WWP2: variants seen among roughly 807,000 people sequenced by gnomAD.
The protein encoded by WWP2 is NEDD4-like E3 ubiquitin-protein ligase WWP2.
WWP2 carries 57 observed loss-of-function variants against 121.0 expected under a neutral mutation model. The observed-to-expected ratio is 0.47, with a 90% CI of 0.38 to 0.59. The LOEUF is 0.59. Ranked by LOEUF, WWP2 falls within the 20% of genes least tolerant of loss-of-function variation. The pLI, the probability that WWP2 is intolerant of heterozygous loss-of-function variation, is 0.00. For missense variants in WWP2, 962 were observed against 1,158.9 expected (o/e 0.83, Z 2.47); for synonymous variants, 449 against 441.3 (o/e 1.02, Z -0.22).
intron 9 of WWP2, chr16:69,910,464 A>G: frequency 1.4e-6 from 1 of 699,578 alleles, no homozygotes; most frequent in Non-Finnish European, 1.8e-6. Context: ...GCTGGAGTGC[A>G]GTGGTGCAAT....
At chr16:69,765,880 C>G (rs894500167) in intron 1 of WWP2, among the ~76,000 whole-genome samples, 4 of 152,096 alleles carry the variant, frequency 2.6e-5, no homozygotes, top group Non-Finnish European at 5.9e-5. Context: ...CCAGGCTGGT[C>G]TTGAACACTT....
chr16:69,820,820 GCATATA>G (rs879590633), intron 4 of WWP2, among the ~76,000 whole-genome samples: 34 of 127,694 alleles, frequency 2.7e-4, no homozygotes, highest in Non-Finnish European at 4.4e-4. Context: ...ATGAATACAT[GCATATA>G]CACACACACA....
At chr16:69,933,474 C>T (rs764622024) in intron 16 of WWP2, among the ~76,000 whole-genome samples, 3 of 152,116 alleles carry the variant, frequency 2.0e-5, no homozygotes, top group Non-Finnish European at 4.4e-5. Context: ...TGTCATGGAT[C>T]GGGGTTGGAA....
chr16:69,821,809 C>T (rs150663613), intron 4 of WWP2, among the ~76,000 whole-genome samples: 1,853 of 149,978 alleles, frequency 0.012, 33 homozygotes, highest in African/African-American at 0.043. Flanking sequence ...CCTCCCATCT[C>T]GGCCTCCCAA....
intron 7 of WWP2, among the ~76,000 whole-genome samples, chr16:69,879,520 G>C (rs371111889): frequency 1.3e-5 from 2 of 152,092 alleles, no homozygotes; most frequent in Non-Finnish European, 2.9e-5. Flanking sequence ...TGGCATTTTT[G>C]ATTCATCCAT....
intron 10 of WWP2, among the ~76,000 whole-genome samples, chr16:69,924,714 C>T (rs946922382): frequency 1.3e-5 from 2 of 149,318 alleles, no homozygotes; most frequent in Non-Finnish European, 3.0e-5. Context: ...ACCCCCCCCA[C>T]CCCCACCCCG....
In WWP2 at chr16:69,939,052, A is replaced by G. The variant is rs745497802; in HGVS notation, c.2369A>G (p.Lys790Arg). The change falls in exon 22 of 24, where the codon AAG (lysine) becomes AGG (arginine). Residue 790 changes from lysine (K) to arginine (R), a missense_variant. Coordinates refer to ENST00000359154, the MANE Select transcript of WWP2 (RefSeq NM_001270454.2). ...GTGGTGAAGGAGATGGACAACGAGA[A>G]GAGGATCCGGCTGCTGCAGTTTGTC... ...WQVVKEMDNE[K>R]RIRLLQFVTG... The G allele has an allele frequency of 6.2e-7, 1 of 1,606,688 alleles. No individual in the cohort carries two copies. The highest frequency in any genetic ancestry group is 1.7e-5 in the Admixed American group (1 of 59,170).
chr16:69,817,697 G>T (rs1341911305), intron 4 of WWP2, among the ~76,000 whole-genome samples: 2 of 130,606 alleles, frequency 1.5e-5, no homozygotes, highest in Admixed American at 8.3e-5. Context: ...AAGAGATGGA[G>T]TCTCGCTCCG....
At chr16:69,906,273 T>C (rs980216012) in intron 8 of WWP2, among the ~76,000 whole-genome samples, 26 of 152,042 alleles carry the variant, frequency 1.7e-4, no homozygotes, top group Admixed American at 4.6e-4. Flanking sequence ...AGGGTTTTAC[T>C]GTGTTAGCCA....
At chr16:69,800,814 C>T (rs1597689668) in intron 4 of WWP2, among the ~76,000 whole-genome samples, 2 of 151,696 alleles carry the variant, frequency 1.3e-5, no homozygotes, top group Middle Eastern at 6.8e-3. Context: ...ATCTGCCCGC[C>T]TCATCCTCCC....
Position 69,798,729 on chromosome 16 carries a change from T to G in WWP2, c.118T>G (p.Ser40Ala), listed in dbSNP as rs774635737. 3 of 1,614,052 alleles carry G rather than the reference T, an allele frequency of 1.9e-6. No homozygotes were observed. The East Asian group carries it at 6.7e-5, about 36-fold the overall frequency. Residue 40 changes from serine to alanine, a missense_variant, in exon 3 of 24, where the codon TCC becomes GCC. Coordinates refer to ENST00000359154, the MANE Select transcript of WWP2 (RefSeq NM_001270454.2). ...GCATAATCGTCAACCTCGAATTAAC[T>G]CCTACGTGGAGGTGGCGGTGGATGG... is the stretch of plus-strand genomic sequence containing the variant. ...KVHNRQPRIN[S>A]YVEVAVDGLP...
intron 6 of WWP2, among the ~76,000 whole-genome samples, chr16:69,867,140 CTTT>C (rs11287046): frequency 8.3e-5 from 11 of 132,584 alleles, no homozygotes; most frequent in African/African-American, 8.3e-5. Flanking sequence ...CTGGCCAAGG[CTTT>C]TTTTTTTTTT....
At chr16:69,907,077 G>T (rs532149900) in intron 8 of WWP2, among the ~76,000 whole-genome samples, 2 of 152,318 alleles carry the variant, frequency 1.3e-5, no homozygotes, top group Admixed American at 1.3e-4. Flanking sequence ...CTCTTGAGAA[G>T]ACCTGAAGTT....
chr16:69,847,210 G>T (rs940027336), intron 6 of WWP2, among the ~76,000 whole-genome samples: 1 of 151,882 alleles, frequency 6.6e-6, no homozygotes, highest in African/African-American at 2.4e-5. Flanking sequence ...TCATCCTCCA[G>T]AGTAGCTGGG....
chr16:69,765,244 CT>C (rs961375578), intron 1 of WWP2, among the ~76,000 whole-genome samples: 24 of 151,412 alleles, frequency 1.6e-4, no homozygotes, highest in African/African-American at 3.1e-4. Flanking sequence ...ACCTTTTTGT[CT>C]TTTTTTTTCC....
chr16:69,886,913 G>A (rs2057936101), intron 7 of WWP2, among the ~76,000 whole-genome samples: 1 of 152,220 alleles, frequency 6.6e-6, no homozygotes, highest in South Asian at 2.1e-4. Context: ...TTAGGAAGAT[G>A]AGGCTAAATG....
intron 6 of WWP2, among the ~76,000 whole-genome samples, chr16:69,860,090 C>T (rs889815217): frequency 6.6e-6 from 1 of 151,980 alleles, no homozygotes; most frequent in Non-Finnish European, 1.5e-5. Context: ...AATCCCAGCA[C>T]TTTGGGAGGC....
intron 6 of WWP2, among the ~76,000 whole-genome samples, chr16:69,852,121 C>A (rs1156984795): frequency 6.6e-6 from 1 of 152,184 alleles, no homozygotes; most frequent in Non-Finnish European, 1.5e-5. Context: ...AACGGCTGCA[C>A]CAGTTTGCAT....
At chr16:69,889,005 C>G (rs1430647076) in intron 8 of WWP2, among the ~76,000 whole-genome samples, 1 of 152,172 alleles carries the variant, frequency 6.6e-6, no homozygotes, top group Non-Finnish European at 1.5e-5. Flanking sequence ...CACACCCGGC[C>G]CTCTTGCCAT....
Sources: allele counts gnomAD v4.1 joint callset (sites outside exome capture counted in the v4.1 genomes callset), GRCh38; gene constraint gnomAD v4.1.1; transcripts MANE v1.5; gene names NCBI Gene and HGNC (gene_info 2026-07-23, HGNC 2026-07-21).